The following EMID1 variants were observed in gnomAD, a reference collection of about 807,000 sequenced individuals.
EMID1 encodes the protein EMI domain containing 1, also known as EMI domain-containing protein 1.
A neutral mutation model predicts 60.6 loss-of-function variants in EMID1; 40 were observed. The ratio of observed to expected loss-of-function variants is 0.66; its 90% CI spans 0.51 to 0.86. The LOEUF (loss-of-function observed/expected upper bound fraction) is 0.86, where lower values mean the gene tolerates loss of function less well. Ranked by LOEUF, EMID1 falls within the 40% of genes least tolerant of loss-of-function variation. The probability of loss-of-function intolerance (pLI) is 0.00; values close to 1 mark genes in which losing one functional copy is unlikely to be tolerated. For synonymous variants in EMID1, 242 were observed against 231.0 expected (o/e 1.05, Z -0.43); for missense variants, 585 against 597.1 (o/e 0.98, Z 0.21).
intron 13 of EMID1, among the ~76,000 whole-genome samples, chr22:29,247,588 A>C (rs1309328573): frequency 6.6e-6 from 1 of 152,234 alleles, no homozygotes; most frequent in Non-Finnish European, 1.5e-5. Context: ...ATCTAAACAT[A>C]GAAAAGGTAC....
In EMID1 at chr22:29,233,355, C is replaced by T. The variant is rs1308289049; in HGVS notation, c.824-24C>T. The T allele has an allele frequency of 8.1e-6, 13 of 1,613,014 alleles. No individual in the cohort carries two copies. The South Asian group carries it at 1.3e-4, about 16-fold the overall frequency. ...CCACCCCACTCTACCCAGCTCTACT[C>T]ACTCATCATCTTTGCTCACCCAGGA... is the stretch of plus-strand genomic sequence containing the variant. On this transcript the variant is annotated intron_variant, in intron 8 of 14. Coordinates refer to ENST00000334018, the MANE Select transcript of EMID1 (RefSeq NM_133455.4).
chr22:29,209,637 C>T (rs1318542806), intron 1 of EMID1, among the ~76,000 whole-genome samples: 3 of 152,162 alleles, frequency 2.0e-5, no homozygotes, highest in Non-Finnish European at 2.9e-5. Context: ...TCCTCCAGCA[C>T]CTGCGTGAGT....
intron 12 of EMID1, among the ~76,000 whole-genome samples, chr22:29,236,286 C>T (rs2040946216): frequency 6.6e-6 from 1 of 152,132 alleles, no homozygotes; most frequent in Non-Finnish European, 1.5e-5. Context: ...GATTCAGCTA[C>T]CTGAGAGGCT....
Position 29,234,306 on chromosome 22 carries a change from G to C in EMID1, c.1031G>C (p.Gly344Ala). The C allele has an allele frequency of 6.2e-7, 1 of 1,614,098 alleles. No individual in the cohort carries two copies. The highest frequency in any genetic ancestry group is 8.5e-7 in the Non-Finnish European group (1 of 1,179,990). The change falls in exon 12 of 15, where the codon GGA (glycine) becomes GCA (alanine). Residue 344 changes from glycine (G) to alanine (A), a missense_variant and splice_region_variant. Gly to Ala is a moderately conservative substitution (Grantham distance 60). Coordinates refer to ENST00000334018, the MANE Select transcript of EMID1 (RefSeq NM_133455.4). ...SGHPGEKGERGLRGEPGPQGS... is the reference protein window; with the variant it reads ...SGHPGEKGERALRGEPGPQGS... ...ATTCGTCTCCTCCCTCTTACACAGG[G>C]ACTGCGTGGGGAGCCTGGCCCCCAA...
intron 14 of EMID1, among the ~76,000 whole-genome samples, chr22:29,257,027 G>A (rs2041730407): frequency 6.6e-6 from 1 of 152,200 alleles, no homozygotes; most frequent in Admixed American, 6.5e-5. Flanking sequence ...CCTCTCTGAG[G>A]ATTGGAGCAG....
At chr22:29,208,213 G>A (rs550001346) in intron 1 of EMID1, among the ~76,000 whole-genome samples, 1 of 152,252 alleles carries the variant, frequency 6.6e-6, no homozygotes, top group South Asian at 2.1e-4. Flanking sequence ...CAGCCTTCCT[G>A]CCACCCACAC....
At chr22:29,240,725 C>T (rs867320543) in intron 12 of EMID1, among the ~76,000 whole-genome samples, 2 of 152,232 alleles carry the variant, frequency 1.3e-5, no homozygotes, top group South Asian at 4.1e-4. Flanking sequence ...ACCCCCACAT[C>T]CTTGCCACCT....
chr22:29,212,896 TTAAC>T (rs2039944704), intron 1 of EMID1, among the ~76,000 whole-genome samples: 1 of 152,156 alleles, frequency 6.6e-6, no homozygotes, highest in South Asian at 2.1e-4. Context: ...GTGTGAGAAT[TTAAC>T]TGAGCGAACA....
intron 13 of EMID1, among the ~76,000 whole-genome samples, chr22:29,251,503 C>G (rs2041527271): frequency 6.6e-6 from 1 of 151,480 alleles, no homozygotes; most frequent in Non-Finnish European, 1.5e-5. Context: ...TGCCAGCCCC[C>G]CCGGCGTTTT....
At chr22:29,234,090 C>T in intron 10 of EMID1, 47 bp from the exon 11 acceptor site, 1 of 1,553,038 alleles carries the variant, frequency 6.4e-7, no homozygotes, top group Non-Finnish European at 8.7e-7. Flanking sequence ...CCCCTGCCCA[C>T]TCCATCCTGC....
intron 13 of EMID1, among the ~76,000 whole-genome samples, chr22:29,247,496 T>C (rs1227085638): frequency 6.6e-6 from 1 of 152,234 alleles, no homozygotes; most frequent in African/African-American, 2.4e-5. Context: ...TGTAGCCAAT[T>C]GCTCCCAGGC....
chr22:29,222,082 G>C (rs368852119), intron 3 of EMID1, among the ~76,000 whole-genome samples: 2 of 152,122 alleles, frequency 1.3e-5, no homozygotes, highest in African/African-American at 4.8e-5. Flanking sequence ...GGACACTCTA[G>C]TGTGACATTA....
At chr22:29,256,365 T>C (rs2041706737) in intron 14 of EMID1, among the ~76,000 whole-genome samples, 1 of 148,548 alleles carries the variant, frequency 6.7e-6, no homozygotes, top group Non-Finnish European at 1.5e-5. Context: ...CTCGGGAGGC[T>C]GAGGCGGAGA....
In EMID1 at chr22:29,242,184, A is replaced by C. The variant is rs969773212; in HGVS notation, c.1075-1261A>C. Among the ~76,000 whole-genome samples, 6 of 152,294 alleles carry C rather than the reference A, an allele frequency of 3.9e-5. No individual in the cohort carries two copies. The South Asian group carries it at 1.2e-3, about 32-fold the overall frequency. On this transcript the variant is annotated intron_variant, in intron 12 of 14. Transcript: ENST00000334018. ...ATCCTCCCACCTTGGCTAGGGAGCTATCCTCCCACCTTGGCCTCCCAAAGT... is the reference window on the plus strand; with the variant it reads ...ATCCTCCCACCTTGGCTAGGGAGCTCTCCTCCCACCTTGGCCTCCCAAAGT...
intron 13 of EMID1, among the ~76,000 whole-genome samples, chr22:29,246,775 C>G (rs1239323007): frequency 6.6e-6 from 1 of 152,138 alleles, no homozygotes; most frequent in African/African-American, 2.4e-5. Flanking sequence ...GAGTTCCAAA[C>G]AGTGGATTTT....
intron 12 of EMID1, among the ~76,000 whole-genome samples, chr22:29,237,624 C>T (rs1428950434): frequency 7.0e-6 from 1 of 143,174 alleles, no homozygotes; most frequent in Non-Finnish European, 1.5e-5. Context: ...CGGTGAAACC[C>T]CGTCTCTACT....
intron 13 of EMID1, among the ~76,000 whole-genome samples, chr22:29,246,908 C>T (rs934110624): frequency 6.6e-6 from 1 of 152,172 alleles, no homozygotes; most frequent in Non-Finnish European, 1.5e-5. Context: ...CTACCTCAGC[C>T]TCCCAAGGTG....
chr22:29,212,607 AG>A (rs892246181), intron 1 of EMID1, among the ~76,000 whole-genome samples: 1 of 150,666 alleles, frequency 6.6e-6, no homozygotes, highest in African/African-American at 2.4e-5. Context: ...TCTGTTGCCC[AG>A]GCTGGAATGC....
chr22:29,232,703 T>G (rs538190389), intron 8 of EMID1: 2 of 338,178 alleles, frequency 5.9e-6, no homozygotes, highest in Admixed American at 4.4e-5. Context: ...CTCCCAAGCC[T>G]TGGAACTGGC....
Sources: allele counts gnomAD v4.1 joint callset (sites outside exome capture counted in the v4.1 genomes callset), GRCh38; gene constraint gnomAD v4.1.1; transcripts MANE v1.5; gene names NCBI Gene and HGNC (gene_info 2026-07-23, HGNC 2026-07-21).